Variants in NHSL2 observed in about 807,000 individuals in gnomAD.
NHSL2 encodes the protein NHS-like protein 2.
A neutral mutation model predicts 53.4 loss-of-function variants in NHSL2; 27 were observed. That is an observed-to-expected ratio of 0.51 (90% CI 0.37 to 0.70). NHSL2 has a LOEUF of 0.70. Among genes scored for constraint, NHSL2 ranks in the 30% least tolerant of loss-of-function variants. NHSL2 has a pLI of 0.00. For synonymous variants in NHSL2, 408 were observed against 404.1 expected (o/e 1.01, Z -0.12); for missense variants, 892 against 980.1 (o/e 0.91, Z 1.20).
intron 1 of NHSL2, among the ~76,000 whole-genome samples, chrX:71,940,867 C>T (rs2041762572): frequency 9.0e-6 from 1 of 111,350 alleles, no homozygotes; most frequent in South Asian, 3.8e-4. Context: ...AGGTTCATAG[C>T]GGTTCCCAGC....
intron 1 of NHSL2, among the ~76,000 whole-genome samples, chrX:72,081,445 C>T (rs1241597586): frequency 1.8e-5 from 2 of 111,983 alleles, no homozygotes; most frequent in African/African-American, 3.3e-5. Flanking sequence ...CATGTAGGAG[C>T]GAGCTTTCTG....
chrX:72,063,025 C>G, intron 1 of NHSL2, among the ~76,000 whole-genome samples: 1 of 110,999 alleles, frequency 9.0e-6, no homozygotes, highest in East Asian at 2.9e-4. Flanking sequence ...ATAGAGCCTC[C>G]CGCCAGCACT....
chrX:72,142,829 GATGGGGACCAGTT>G (rs2042429289), intron 7 of NHSL2, among the ~76,000 whole-genome samples: 1 of 112,193 alleles, frequency 8.9e-6, no homozygotes, highest in Admixed American at 9.4e-5. Flanking sequence ...AGAGGAACCA[GATGGGGACCAGTT>G]ATTGGACAGG....
chrX:72,054,613 C>T (rs2042358114), intron 1 of NHSL2, among the ~76,000 whole-genome samples: 1 of 111,907 alleles, frequency 8.9e-6, no homozygotes. Context: ...TTTTCTTTCC[C>T]AATTTGCTAT....
chrX:72,048,669 A>T (rs1483659878), intron 1 of NHSL2, among the ~76,000 whole-genome samples: 1 of 110,079 alleles, frequency 9.1e-6, no homozygotes, highest in African/African-American at 3.3e-5. Flanking sequence ...AATGTTGTCA[A>T]TATTTCCTGT....
At chrX:71,998,797 C>T (rs2042060702) in intron 1 of NHSL2, among the ~76,000 whole-genome samples, 1 of 111,198 alleles carries the variant, frequency 9.0e-6, no homozygotes. Flanking sequence ...GCCCTCATGC[C>T]CCATGCTCAT....
intron 1 of NHSL2, among the ~76,000 whole-genome samples, chrX:72,051,093 A>C (rs997897525): frequency 9.0e-6 from 1 of 111,626 alleles, no homozygotes; most frequent in African/African-American, 3.3e-5. Context: ...ATTATACTAC[A>C]TGAAGTAACT....
chrX:72,046,167 A>AG (rs1358700711), intron 1 of NHSL2, among the ~76,000 whole-genome samples: 5 of 112,028 alleles, frequency 4.5e-5, no homozygotes, highest in Non-Finnish European at 9.4e-5. Flanking sequence ...CTAACCTTTT[A>AG]AGGTTTGGAG....
At chrX:72,134,744 T>G in intron 4 of NHSL2, 40 bp downstream of exon 4, 1 of 1,000,127 alleles carries the variant, frequency 1.0e-6, no homozygotes, top group Admixed American at 2.6e-5. Flanking sequence ...CTTCCCTTCA[T>G]GCCTCTACAG....
intron 1 of NHSL2, among the ~76,000 whole-genome samples, chrX:72,066,292 A>T (rs1283749739): frequency 1.8e-5 from 2 of 111,940 alleles, no homozygotes; most frequent in African/African-American, 6.5e-5. Flanking sequence ...GTCTAAAAGC[A>T]TTCCTCATCC....
intron 1 of NHSL2, among the ~76,000 whole-genome samples, chrX:72,104,062 G>A (rs1325117701): frequency 8.9e-6 from 1 of 112,854 alleles, no homozygotes; most frequent in Admixed American, 9.3e-5. Context: ...TCATTAACCT[G>A]TAATTGAAAG....
chrX:71,961,087 A>C (rs1431909632), intron 1 of NHSL2, among the ~76,000 whole-genome samples: 1 of 112,029 alleles, frequency 8.9e-6, no homozygotes, highest in Non-Finnish European at 1.9e-5. Flanking sequence ...CAGTGTATGA[A>C]TCTTGTACCT....
chrX:72,033,388 T>C (rs955483429), intron 1 of NHSL2, among the ~76,000 whole-genome samples: 1 of 111,248 alleles, frequency 9.0e-6, no homozygotes, highest in Non-Finnish European at 1.9e-5. Flanking sequence ...GGTTTCACCA[T>C]GTTGGCCAGG....
At chrX:72,065,958 A>G (rs985243146) in intron 1 of NHSL2, among the ~76,000 whole-genome samples, 1 of 112,241 alleles carries the variant, frequency 8.9e-6, no homozygotes, top group Non-Finnish European at 1.9e-5. Flanking sequence ...GGTTCTGAGT[A>G]TAGGCTGGAG....
At chrX:71,991,061 CCT>C (rs1460503972) in intron 1 of NHSL2, among the ~76,000 whole-genome samples, 4 of 112,684 alleles carry the variant, frequency 3.5e-5, no homozygotes, top group African/African-American at 1.3e-4. Flanking sequence ...TGTGCAGGGT[CCT>C]CTGTCACTGA....
intron 1 of NHSL2, among the ~76,000 whole-genome samples, chrX:72,025,030 A>G (rs1453100225): frequency 1.8e-5 from 2 of 111,788 alleles, no homozygotes; most frequent in Non-Finnish European, 3.8e-5. Flanking sequence ...CTATTGACCA[A>G]TGTCTTAGAT....
chrX:71,928,637 C>A (rs1403305728), intron 1 of NHSL2, among the ~76,000 whole-genome samples: 1 of 111,094 alleles, frequency 9.0e-6, no homozygotes, highest in Non-Finnish European at 1.9e-5. Context: ...GGTATAGAAG[C>A]CTGGGTGGCC....
intron 1 of NHSL2, among the ~76,000 whole-genome samples, chrX:72,022,889 C>T (rs778547462): frequency 3.0e-4 from 34 of 111,571 alleles, no homozygotes; most frequent in African/African-American, 1.1e-3. Flanking sequence ...CTTTGCATTC[C>T]AGCCTGGATA....
At position 72,139,755 on chromosome X, in the gene NHSL2, C is replaced by T; in HGVS notation, c.2207C>T (p.Pro736Leu). The change falls in exon 6 of 8, where the codon CCC becomes CTC. Residue 736 changes from proline (P) to leucine (L), a missense_variant. Transcript: ENST00000633930. Reference sequence around the variant, plus strand: ...ATGTCCCTGACCCTGGGCCACTTACCCCCTCCAAGCAGCAGTGTCCGGGTA... The same window carrying T: ...ATGTCCCTGACCCTGGGCCACTTACTCCCTCCAAGCAGCAGTGTCCGGGTA... ...VSMSLTLGHL[P>L]PPSSSVRVRP... 1 of 1,210,842 alleles carries T rather than the reference C, an allele frequency of 8.3e-7. No homozygotes were observed. Among genetic ancestry groups the T allele is most frequent in the Non-Finnish European group, 1.1e-6 (1 of 894,991 alleles).
Sources: allele counts gnomAD v4.1 joint callset (sites outside exome capture counted in the v4.1 genomes callset), GRCh38; gene constraint gnomAD v4.1.1; transcripts MANE v1.5; gene names NCBI Gene and HGNC (gene_info 2026-07-23, HGNC 2026-07-21).